Variants in ESRRG observed in about 807,000 individuals in gnomAD.
The protein encoded by ESRRG is estrogen-related receptor gamma.
ESRRG carries 13 observed loss-of-function variants against 44.0 expected under a neutral mutation model. The observed-to-expected ratio is 0.30, with a 90% CI of 0.19 to 0.47. ESRRG has a LOEUF of 0.47. Among genes scored for constraint, ESRRG ranks in the 20% least tolerant of loss-of-function variants. The pLI, the probability that ESRRG is intolerant of heterozygous loss-of-function variation, is 1.00. For synonymous variants in ESRRG, 215 were observed against 214.6 expected, an observed-to-expected ratio of 1.00 and a Z score of -0.02; for missense variants, 395 against 580.6, an observed-to-expected ratio of 0.68 and a Z score of 3.29.
At chr1:216,546,649 T>C (rs1208726638) in intron 5 of ESRRG, among the ~76,000 whole-genome samples, 2 of 151,928 alleles carry the variant, frequency 1.3e-5, no homozygotes, top group Admixed American at 6.6e-5. Context: ...AAATCTACAT[T>C]TTGTCAGCCT....
At chr1:217,133,872 T>G (rs2093010552) in intron 1 of ESRRG, among the ~76,000 whole-genome samples, 1 of 152,050 alleles carries the variant, frequency 6.6e-6, no homozygotes, top group African/African-American at 2.4e-5. Flanking sequence ...TGAGAGATAC[T>G]GAGACATCGC....
intron 2 of ESRRG, among the ~76,000 whole-genome samples, chr1:216,841,321 A>G (rs2095650178): frequency 2.0e-5 from 3 of 152,080 alleles, no homozygotes; most frequent in Admixed American, 6.6e-5. Context: ...CCGTTTTGAG[A>G]AGCTCTTAGA....
intron 3 of ESRRG, among the ~76,000 whole-genome samples, chr1:216,577,516 A>C (rs2061902319): frequency 6.6e-6 from 1 of 152,060 alleles, no homozygotes; most frequent in African/African-American, 2.4e-5. Context: ...GGCAGCAATA[A>C]GTTTAACCCA....
At chr1:216,640,532 C>T (rs980786917) in intron 3 of ESRRG, among the ~76,000 whole-genome samples, 7 of 151,318 alleles carry the variant, frequency 4.6e-5, no homozygotes, top group Non-Finnish European at 8.8e-5. Flanking sequence ...CGAGAGAGGA[C>T]GAACTACAGA....
intron 1 of ESRRG, among the ~76,000 whole-genome samples, chr1:217,099,312 G>A (rs2092470043): frequency 6.6e-6 from 1 of 151,348 alleles, no homozygotes; most frequent in South Asian, 2.1e-4. Context: ...TAATGAAGTG[G>A]ATATTATTCC....
chr1:216,919,000 C>T (rs895977190), intron 2 of ESRRG, among the ~76,000 whole-genome samples: 1 of 151,760 alleles, frequency 6.6e-6, no homozygotes, highest in Non-Finnish European at 1.5e-5. Context: ...TTATAAACTA[C>T]AAAAAATATT....
At chr1:216,536,756 A>C (rs187845039) in intron 5 of ESRRG, among the ~76,000 whole-genome samples, 146 of 152,218 alleles carry the variant, frequency 9.6e-4, no homozygotes, top group African/African-American at 3.4e-3. Context: ...TCACCATGCT[A>C]GTGCTTCCAT....
intron 2 of ESRRG, among the ~76,000 whole-genome samples, chr1:216,668,474 A>G (rs1320831922): frequency 1.3e-5 from 2 of 152,212 alleles, no homozygotes; most frequent in Non-Finnish European, 2.9e-5. Flanking sequence ...CATGTAAATC[A>G]CACCAGAGAT....
chr1:216,637,977 G>A (rs2065637486), intron 3 of ESRRG, among the ~76,000 whole-genome samples: 1 of 151,700 alleles, frequency 6.6e-6, no homozygotes, highest in South Asian at 2.1e-4. Context: ...TTACAAAAAT[G>A]CAACTGAAAA....
At chr1:216,583,635 G>C (rs1445216551) in intron 3 of ESRRG, among the ~76,000 whole-genome samples, 1 of 152,210 alleles carries the variant, frequency 6.6e-6, no homozygotes, top group Non-Finnish European at 1.5e-5. Context: ...TTACCATACA[G>C]TAGGTAAAGA....
chr1:217,117,725 T>C (rs1016721125), intron 1 of ESRRG, among the ~76,000 whole-genome samples: 1 of 152,202 alleles, frequency 6.6e-6, no homozygotes, highest in Non-Finnish European at 1.5e-5. Flanking sequence ...AAGTTCAACC[T>C]GGTAATTTTC....
At chr1:216,547,176 A>G (rs941791036) in intron 5 of ESRRG, among the ~76,000 whole-genome samples, 1 of 152,020 alleles carries the variant, frequency 6.6e-6, no homozygotes, top group Non-Finnish European at 1.5e-5. Context: ...AATTGAGATA[A>G]TATATGTAAA....
At chr1:217,049,600 T>C (rs1314285964) in intron 1 of ESRRG, among the ~76,000 whole-genome samples, 1 of 152,190 alleles carries the variant, frequency 6.6e-6, no homozygotes, top group Non-Finnish European at 1.5e-5. Context: ...TGTGTGTCCA[T>C]TGGTACTGTC....
intron 1 of ESRRG, among the ~76,000 whole-genome samples, chr1:216,698,827 T>A (rs1346869403): frequency 6.6e-6 from 1 of 152,146 alleles, no homozygotes. Context: ...AAAGCGTCTG[T>A]GCCTCAGGTA....
chr1:216,710,220 T>C (rs984937638), intron 1 of ESRRG, among the ~76,000 whole-genome samples: 1 of 152,220 alleles, frequency 6.6e-6, no homozygotes, highest in Non-Finnish European at 1.5e-5. Flanking sequence ...TCCTGTTTTA[T>C]GTTGTTCACA....
intron 3 of ESRRG, among the ~76,000 whole-genome samples, chr1:216,576,691 GA>G (rs2061742516): frequency 6.6e-6 from 1 of 152,010 alleles, no homozygotes; most frequent in South Asian, 2.1e-4. Context: ...CACTGGAGCT[GA>G]GATTGCAATG....
At chr1:216,732,939 T>G (rs2089160117) in intron 2 of ESRRG, among the ~76,000 whole-genome samples, 1 of 152,032 alleles carries the variant, frequency 6.6e-6, no homozygotes, top group African/African-American at 2.4e-5. Context: ...CCAAATTGAC[T>G]GCTTTCTCTT....
intron 1 of ESRRG, among the ~76,000 whole-genome samples, chr1:216,972,694 A>G (rs1204995225): frequency 6.6e-6 from 1 of 152,186 alleles, no homozygotes; most frequent in Non-Finnish European, 1.5e-5. Flanking sequence ...TGCTCTGCCA[A>G]TGACTGGCTG....
chr1:216,528,624 A>T (rs6679623), intron 5 of ESRRG, among the ~76,000 whole-genome samples: 52,399 of 151,910 alleles, frequency 0.34, 9,200 homozygotes, highest in Non-Finnish European at 0.36. Context: ...AATAAAATAT[A>T]ATATGTCTAC....
Sources: gnomAD v4.1 joint callset for allele counts (sites outside exome capture counted in the v4.1 genomes callset) on GRCh38, gnomAD v4.1.1 for gene constraint, MANE v1.5 for transcripts, NCBI Gene and HGNC (gene_info 2026-07-23, HGNC 2026-07-21) for gene names.